Variants in NEBL observed in about 807,000 individuals in gnomAD.
NEBL encodes nebulette.
A neutral mutation model predicts 140.2 loss-of-function variants in NEBL; 122 were observed. That is an observed-to-expected ratio of 0.87 (90% CI 0.75 to 1.01). The LOEUF (loss-of-function observed/expected upper bound fraction) is 1.01, where lower values mean the gene tolerates loss of function less well. NEBL is among the 50% of genes least tolerant of loss of function. The pLI is 0.00. For missense variants in NEBL, 1,365 were observed against 1,231.3 expected, an observed-to-expected ratio of 1.11 and a Z score of -1.62; for synonymous variants, 436 against 398.9, an observed-to-expected ratio of 1.09 and a Z score of -1.11.
chr10:20,861,888 T>C (rs759868528), intron 7 of NEBL, among the ~76,000 whole-genome samples: 1 of 152,166 alleles, frequency 6.6e-6, no homozygotes, highest in Non-Finnish European at 1.5e-5. Context: ...AAGTTAAAAA[T>C]GTAAGTTAAA....
At chr10:21,232,102 T>C (rs1352458039) in intron 3 of NEBL, among the ~76,000 whole-genome samples, 3 of 152,112 alleles carry the variant, frequency 2.0e-5, no homozygotes, top group Non-Finnish European at 4.4e-5. Context: ...GAGAATAAAC[T>C]ATGTTCCAAC....
chr10:21,159,289 C>T (rs114596164), intron 2 of NEBL, among the ~76,000 whole-genome samples: 4 of 152,166 alleles, frequency 2.6e-5, no homozygotes, highest in East Asian at 1.9e-4. Flanking sequence ...ATGACTAGAC[C>T]AGTCACAGGG....
chr10:20,955,940 T>C (rs919171542), intron 4 of NEBL, among the ~76,000 whole-genome samples: 1 of 152,000 alleles, frequency 6.6e-6, no homozygotes, highest in African/African-American at 2.4e-5. Flanking sequence ...TATGTGTTAA[T>C]TCTTTTATTA....
At chr10:21,154,062 T>G (rs748343610) in intron 2 of NEBL, among the ~76,000 whole-genome samples, 8 of 152,134 alleles carry the variant, frequency 5.3e-5, no homozygotes, top group Non-Finnish European at 1.0e-4. Context: ...ATCAGCTTAA[T>G]CATAAAGAGA....
chr10:21,004,386 C>T (rs566751289), intron 3 of NEBL, among the ~76,000 whole-genome samples: 2 of 152,240 alleles, frequency 1.3e-5, no homozygotes, highest in East Asian at 3.9e-4. Context: ...TTTGGGACGA[C>T]GTTCTATGGA....
chr10:20,934,910 T>C (rs1309908315), intron 4 of NEBL, among the ~76,000 whole-genome samples: 1 of 152,196 alleles, frequency 6.6e-6, no homozygotes, highest in Non-Finnish European at 1.5e-5. Flanking sequence ...AAGAGAGATC[T>C]AGGACAGTAT....
At chr10:21,028,400 A>G (rs1356271607) in intron 2 of NEBL, among the ~76,000 whole-genome samples, 1 of 152,160 alleles carries the variant, frequency 6.6e-6, no homozygotes, top group Non-Finnish European at 1.5e-5. Flanking sequence ...TCCAGAAGGA[A>G]AAGCTAAAAT....
intron 2 of NEBL, among the ~76,000 whole-genome samples, chr10:21,040,917 C>T (rs553554899): frequency 2.0e-5 from 3 of 152,288 alleles, no homozygotes; most frequent in African/African-American, 7.2e-5. Context: ...CTCCTCTTCA[C>T]TTTCCACCTA....
intron 3 of NEBL, among the ~76,000 whole-genome samples, chr10:20,988,575 C>T (rs1054540969): frequency 6.6e-6 from 1 of 152,062 alleles, no homozygotes; most frequent in Non-Finnish European, 1.5e-5. Flanking sequence ...CCAGAATTAA[C>T]CTCTCTCTCC....
chr10:21,136,613 T>A (rs576823917), intron 2 of NEBL, among the ~76,000 whole-genome samples: 3 of 152,194 alleles, frequency 2.0e-5, no homozygotes, highest in Non-Finnish European at 4.4e-5. Context: ...TCCTTCTGTA[T>A]CCCTGTCCTA....
intron 2 of NEBL, among the ~76,000 whole-genome samples, chr10:21,106,378 G>A (rs889535889): frequency 2.0e-5 from 3 of 152,008 alleles, no homozygotes; most frequent in Non-Finnish European, 4.4e-5. Flanking sequence ...TGTAAGGAAG[G>A]GATCCAGTTT....
At chr10:21,253,510 A>C (rs1304679463) in intron 1 of NEBL, among the ~76,000 whole-genome samples, 1 of 149,364 alleles carries the variant, frequency 6.7e-6, no homozygotes, top group Admixed American at 6.7e-5. Flanking sequence ...TAGAGTACTT[A>C]GTGGGAAAAC....
At chr10:20,853,568 G>T (rs1016621651) in intron 9 of NEBL, among the ~76,000 whole-genome samples, 3 of 152,164 alleles carry the variant, frequency 2.0e-5, no homozygotes, top group Non-Finnish European at 4.4e-5. Context: ...CAGAACAACA[G>T]ATTTCACATG....
intron 3 of NEBL, among the ~76,000 whole-genome samples, chr10:21,187,016 G>A (rs1261668865): frequency 6.6e-6 from 1 of 151,160 alleles, no homozygotes; most frequent in East Asian, 1.9e-4. Flanking sequence ...GTGTGTGTGT[G>A]TGTGTGTGTG....
At chr10:20,817,193 C>T (rs1463459519) in intron 21 of NEBL, among the ~76,000 whole-genome samples, 1 of 151,962 alleles carries the variant, frequency 6.6e-6, no homozygotes, top group Non-Finnish European at 1.5e-5. Flanking sequence ...CAGCCCAAAC[C>T]CCGTCTCTAC....
At chr10:20,835,742 T>A in intron 13 of NEBL, 119 bp from the exon 14 acceptor site, 2 of 750,196 alleles carry the variant, frequency 2.7e-6, no homozygotes, top group East Asian at 2.5e-5. Flanking sequence ...ACAAAGCTCC[T>A]TGAGTACTAT....
chr10:20,868,210 T>G (rs1420255769), intron 7 of NEBL: 2 of 155,754 alleles, frequency 1.3e-5, no homozygotes, highest in Non-Finnish European at 2.8e-5. Context: ...TGATAAGACT[T>G]CAAAGTTTTC....
intron 2 of NEBL, among the ~76,000 whole-genome samples, chr10:20,890,450 G>C (rs1468483365): frequency 1.3e-5 from 2 of 152,206 alleles, no homozygotes; most frequent in Non-Finnish European, 2.9e-5. Context: ...AGACATGCTT[G>C]ATTAGAGGAA....
intron 2 of NEBL, among the ~76,000 whole-genome samples, chr10:21,154,339 G>A (rs1190206019): frequency 6.6e-6 from 1 of 151,464 alleles, no homozygotes; most frequent in Non-Finnish European, 1.5e-5. Context: ...TGTGCCTGTA[G>A]TCCCAGCTAC....
Sources: gnomAD v4.1 joint callset for allele counts (sites outside exome capture counted in the v4.1 genomes callset) on GRCh38, gnomAD v4.1.1 for gene constraint, MANE v1.5 for transcripts, NCBI Gene and HGNC (gene_info 2026-07-23, HGNC 2026-07-21) for gene names.